Variants in ZZEF1 observed in about 807,000 individuals in gnomAD.
ZZEF1 encodes the protein zinc finger ZZ-type and EF-hand domain containing 1.
In ZZEF1, 157 loss-of-function variants were observed where a neutral mutation model predicts 342.8. That is an observed-to-expected ratio of 0.46 (90% CI 0.40 to 0.52). The LOEUF (loss-of-function observed/expected upper bound fraction) is 0.52, where lower values mean the gene tolerates loss of function less well. ZZEF1 is among the 20% of genes least tolerant of loss of function. ZZEF1 has a pLI of 0.00. For synonymous variants in ZZEF1, 1,505 were observed against 1,429.1 expected (o/e 1.05, Z -1.20); for missense variants, 3,480 against 3,725.6 (o/e 0.93, Z 1.72).
chr17:4,043,052 G>A (rs1166903123), intron 38 of ZZEF1, among the ~76,000 whole-genome samples: 1 of 152,184 alleles, frequency 6.6e-6, no homozygotes, highest in Non-Finnish European at 1.5e-5. Flanking sequence ...CAGGAGGCCT[G>A]CCTGAGCCCT....
At chr17:4,049,621 C>A (rs2057001514) in intron 37 of ZZEF1, 87 bp downstream of exon 37, 1 of 1,535,094 alleles carries the variant, frequency 6.5e-7, no homozygotes, top group Non-Finnish European at 8.9e-7. Context: ...AGTCTGTGCT[C>A]TTAACCTCTC....
Position 4,023,039 on chromosome 17 carries a change from G to A in ZZEF1, c.7093-211C>T, listed in dbSNP as rs116281638. ...GCTAAAATCCAAGCCTCTGATCATG[G>A]CTGACAAAGACCTACAAGGTCCCTG... On this transcript the variant is annotated intron_variant, in intron 43 of 54. Transcript: ENST00000381638. Among the ~76,000 whole-genome samples, 744 of 152,214 alleles carry A rather than the reference G, an allele frequency of 4.9e-3. 5 individuals carry two copies. The highest frequency in any genetic ancestry group is 0.017 in the African/African-American group (723 of 41,522).
rs1246783685 is a variant in ZZEF1 at position 4,016,714 on chromosome 17, T to G, written c.8002-248A>C. Reference sequence around the variant, plus strand: ...TTAGAGGTGGTCTGAAAGAACTAACTGAACCAATCATAAAGGGTCCTGGTC... The same window carrying G: ...TTAGAGGTGGTCTGAAAGAACTAACGGAACCAATCATAAAGGGTCCTGGTC... On this transcript the variant is annotated intron_variant, in intron 48 of 54. Transcript: ENST00000381638. This position sits in a 1 kb window ranked among gnomAD's most constrained non-coding sequence, Gnocchi z 4.4. 3 of 437,970 alleles carry G rather than the reference T, an allele frequency of 6.8e-6. No homozygotes were observed. Among genetic ancestry groups the G allele is most frequent in the Non-Finnish European group, 1.2e-5 (3 of 247,466 alleles). The allele number at this position is 437,970 out of a possible 1,614,324, so 27.1% of individuals were successfully genotyped here. A position where few individuals can be genotyped will look rare whatever the true frequency, so the allele number is the denominator to read the frequency against.
rs544704993 is a variant in ZZEF1, at chr17:4,039,866, G to C, written c.6306+2563C>G. Among the ~76,000 whole-genome samples the C allele has an allele frequency of 8.6e-5, 13 of 151,986 alleles. No individual in the cohort carries two copies. The East Asian group carries it at 1.6e-3, about 18-fold the overall frequency. On this transcript the variant is annotated intron_variant, in intron 39 of 54. Transcript: ENST00000381638. ...TCACTGTGTTAGCCAGGATGGTCTC[G>C]ATCTCCTGACCTCATGATCTGCCCG...
At chr17:4,094,398 C>A (rs1003863046) in intron 11 of ZZEF1, among the ~76,000 whole-genome samples, 1 of 152,058 alleles carries the variant, frequency 6.6e-6, no homozygotes, top group Non-Finnish European at 1.5e-5. Context: ...ATCCACCTAT[C>A]TTGGCCTACC....
intron 3 of ZZEF1, among the ~76,000 whole-genome samples, chr17:4,115,808 G>T (rs1000424217): frequency 6.6e-6 from 1 of 152,062 alleles, no homozygotes; most frequent in Non-Finnish European, 1.5e-5. Flanking sequence ...ACTTGTTTTT[G>T]ACTCTGCTTA....
At chr17:4,084,933 C>T (rs965681172) in intron 16 of ZZEF1, among the ~76,000 whole-genome samples, 1 of 151,900 alleles carries the variant, frequency 6.6e-6, no homozygotes, top group African/African-American at 2.4e-5. Context: ...GGCAATATGG[C>T]AAAACTCATC....
chr17:4,093,121 C>G (rs8080485), intron 11 of ZZEF1, among the ~76,000 whole-genome samples: 139,074 of 152,038 alleles, frequency 0.91, 64,910 homozygotes, highest in East Asian at 1. Context: ...GAATAGGCCT[C>G]TATTTAGGTT....
intron 41 of ZZEF1, among the ~76,000 whole-genome samples, 167 bp downstream of exon 41, chr17:4,032,661 C>T (rs1043856540): frequency 1.3e-5 from 2 of 152,196 alleles, no homozygotes; most frequent in African/African-American, 4.8e-5. Flanking sequence ...AATAAACCAT[C>T]CCATAATCTT....
At chr17:4,033,731 C>A in intron 40 of ZZEF1, 1 of 421,030 alleles carries the variant, frequency 2.4e-6, no homozygotes, top group South Asian at 3.7e-5. Flanking sequence ...GCTTCAACCT[C>A]AAGGCCCACA....
chr17:4,098,585 C>T (rs1413249925), intron 9 of ZZEF1, among the ~76,000 whole-genome samples: 6 of 152,162 alleles, frequency 3.9e-5, no homozygotes, highest in Non-Finnish European at 7.4e-5. Context: ...CTCTTTCAAA[C>T]GTCTCTAAAT....
At chr17:4,101,273 C>T (rs912491547) in intron 9 of ZZEF1, among the ~76,000 whole-genome samples, 1 of 152,080 alleles carries the variant, frequency 6.6e-6, no homozygotes, top group Admixed American at 6.5e-5. Flanking sequence ...AAGAGGCAAC[C>T]ACTGAGAACA....
chr17:4,122,837 G>A (rs1451076469), intron 2 of ZZEF1, among the ~76,000 whole-genome samples: 2 of 152,050 alleles, frequency 1.3e-5, no homozygotes, highest in Non-Finnish European at 2.9e-5. Flanking sequence ...GAGAAAGAAA[G>A]AGGAGCCACA....
chr17:4,051,549 T>C (rs1275945264), intron 35 of ZZEF1, among the ~76,000 whole-genome samples: 2 of 152,058 alleles, frequency 1.3e-5, no homozygotes, highest in Admixed American at 1.3e-4. Flanking sequence ...GCCTCCCAAG[T>C]AGCTGGGATT....
At position 4,123,900 on chromosome 17, in the gene ZZEF1, G is replaced by T. The variant is rs368780465; in HGVS notation, c.499+7C>A. On this transcript the variant is annotated splice_region_variant and intron_variant, in intron 2 of 54. Coordinates refer to ENST00000381638, the MANE Select transcript of ZZEF1 (RefSeq NM_015113.4). ...GTTCTAAGACAGCACCTAGATGGAA[G>T]CCTCACCTGGAACCAGAGAGCAGGC... 7.0e-5 allele frequency: 113 copies of T among 1,611,532 alleles called. 2 individuals are homozygous for T. The Middle Eastern group carries it at 1.2e-3, about 17-fold the overall frequency.
chr17:4,128,275 G>C (rs1427907051), intron 1 of ZZEF1, among the ~76,000 whole-genome samples: 1 of 146,232 alleles, frequency 6.8e-6, no homozygotes, highest in East Asian at 2.1e-4. Flanking sequence ...TTGAAGCCAG[G>C]AGGCAGAGGT....
At chr17:4,056,489 C>T in intron 32 of ZZEF1, 144 bp from the exon 33 acceptor site, 6 of 835,516 alleles carry the variant, frequency 7.2e-6, no homozygotes, top group Non-Finnish European at 9.9e-6. Flanking sequence ...TTTTCAAAGC[C>T]CCAGGATTTG....
chr17:4,045,103 G>A (rs1258176695), intron 37 of ZZEF1, among the ~76,000 whole-genome samples: 2 of 152,066 alleles, frequency 1.3e-5, no homozygotes, highest in South Asian at 2.1e-4. Flanking sequence ...GTAGTGAGCC[G>A]AGATTGCGCC....
At chr17:4,076,011 T>G (rs1483977292) in intron 21 of ZZEF1, 2 of 152,316 alleles carry the variant, frequency 1.3e-5, no homozygotes, top group African/African-American at 4.8e-5. Flanking sequence ...AAAATGTAAT[T>G]TGCCTTTCAA....
Sources: allele counts gnomAD v4.1 joint callset (sites outside exome capture counted in the v4.1 genomes callset), GRCh38; gene constraint gnomAD v4.1.1; non-coding constraint Gnocchi (gnomAD v3.1); transcripts MANE v1.5; gene names NCBI Gene and HGNC (gene_info 2026-07-23, HGNC 2026-07-21).